The following FAT1 variants were observed in gnomAD, a reference collection of about 807,000 sequenced individuals.
The protein encoded by FAT1 is FAT atypical cadherin 1.
FAT1 carries 171 observed loss-of-function variants against 329.8 expected under a neutral mutation model. The ratio of observed to expected loss-of-function variants is 0.52; its 90% CI spans 0.46 to 0.59. The LOEUF (loss-of-function observed/expected upper bound fraction) is 0.59. Among genes scored for constraint, FAT1 ranks in the 20% least tolerant of loss-of-function variants. The probability of loss-of-function intolerance (pLI) is 0.00; values close to 1 mark genes in which losing one functional copy is unlikely to be tolerated. For missense variants in FAT1, 5,672 were observed against 5,774.4 expected (o/e 0.98, Z 0.57); for synonymous variants, 2,233 against 2,228.6 (o/e 1.00, Z -0.06).
Position 186,621,707 on chromosome 4 carries a change from G to C in FAT1, c.4879C>G (p.Arg1627Gly), listed in dbSNP as rs1340793072. The change falls in exon 10 of 27, where the codon CGA becomes GGA. Residue 1627 changes from arginine to glycine, a missense_variant. Transcript: ENST00000441802. ...AAATCATACTCCGCTTGGTTACTTC[G>C]ATCTAATTCTTTGGCAGTTTTAATA... ...GSIKTAKELD[R>G]SNQAEYDLMV... 1 of 1,613,194 alleles carries C rather than the reference G, an allele frequency of 6.2e-7. No homozygotes were observed.
intron 16 of FAT1, among the ~76,000 whole-genome samples, chr4:186,607,336 T>G (rs762455198): frequency 4.6e-5 from 7 of 151,814 alleles, no homozygotes; most frequent in Non-Finnish European, 7.4e-5. Flanking sequence ...CACAGATGAG[T>G]GAATGGATGG....
At chr4:186,700,781 G>A (rs1010531067) in intron 2 of FAT1, among the ~76,000 whole-genome samples, 2 of 152,200 alleles carry the variant, frequency 1.3e-5, no homozygotes, top group Non-Finnish European at 2.9e-5. Flanking sequence ...CCACCCGGTG[G>A]TTGTGAGAAT....
intron 3 of FAT1, among the ~76,000 whole-genome samples, chr4:186,656,872 T>C (rs982113582): frequency 6.6e-6 from 1 of 152,198 alleles, no homozygotes; most frequent in Non-Finnish European, 1.5e-5. Flanking sequence ...ACATACATAT[T>C]GATGGCACTT....
At chr4:186,643,371 TAAC>T (rs1413386163) in intron 3 of FAT1, among the ~76,000 whole-genome samples, 4 of 152,176 alleles carry the variant, frequency 2.6e-5, no homozygotes, top group Admixed American at 6.5e-5. Flanking sequence ...AACAAACAAA[TAAC>T]AACAACAAAC....
chr4:186,711,009 T>G (rs1744923272), intron 1 of FAT1, among the ~76,000 whole-genome samples: 1 of 152,232 alleles, frequency 6.6e-6, no homozygotes, highest in Non-Finnish European at 1.5e-5. Context: ...ATTCATCTTG[T>G]AAATCAACAC....
chr4:186,699,339 G>C (rs1298427742), intron 2 of FAT1, among the ~76,000 whole-genome samples: 1 of 152,176 alleles, frequency 6.6e-6, no homozygotes, highest in Non-Finnish European at 1.5e-5. Flanking sequence ...AACATGAAAT[G>C]AGTAAGACAT....
Position 186,618,906 on chromosome 4 carries a change from C to G in FAT1, c.7680G>C (p.Ala2560=), listed in dbSNP as rs755556492. The change falls in exon 10 of 27, where the codon GCG becomes GCC. Residue 2560 remains alanine, a synonymous_variant. Transcript: ENST00000441802. ...TLEKLDRETP[A]EKVISVRLMA... ...TTAAACGGACTGAGATCACTTTCTC[C>G]GCCGGGGTTTCTCGATCAAGTTTTT... is the stretch of plus-strand genomic sequence containing the variant. The G allele has an allele frequency of 1.9e-6, 3 of 1,613,944 alleles. No individual in the cohort carries two copies. Among genetic ancestry groups the G allele is most frequent in the South Asian group, 2.2e-5 (2 of 91,084 alleles).
chr4:186,611,912 C>T, intron 13 of FAT1, 137 bp from the exon 14 acceptor site: 1 of 616,928 alleles, frequency 1.6e-6, no homozygotes, highest in Non-Finnish European at 2.8e-6. Flanking sequence ...CAACCTCTGT[C>T]CCCCAGGTTC....
Position 186,603,270 on chromosome 4 carries a change from C to T in FAT1, c.11256G>A (p.Val3752=), listed in dbSNP as rs1439683360. The T allele has an allele frequency of 1.9e-6, 3 of 1,613,938 alleles. No individual in the cohort carries two copies. The highest frequency in any genetic ancestry group is 1.1e-5 in the South Asian group (1 of 91,080). The part of the protein sequence containing the change: ...DCPWKFCDEK[V]SVDESVMSTH... ...TTGACATCACACTTTCATCCACAGA[C>T]ACCTTTTCATCGCAGAACTTCCAGG... Residue 3752 remains valine, a synonymous_variant, in exon 19 of 27, where the codon GTG becomes GTA. Coordinates refer to ENST00000441802, the MANE Select transcript of FAT1 (RefSeq NM_005245.4).
intron 2 of FAT1, among the ~76,000 whole-genome samples, chr4:186,669,950 G>A (rs1426425318): frequency 6.6e-6 from 1 of 151,848 alleles, no homozygotes; most frequent in East Asian, 1.9e-4. Context: ...TCCTTGATCA[G>A]GAAAGGCCAG....
intron 26 of FAT1, among the ~76,000 whole-genome samples, chr4:186,593,498 C>T (rs951045595): frequency 9.2e-5 from 14 of 152,234 alleles, no homozygotes; most frequent in African/African-American, 2.9e-4. Flanking sequence ...TTTGTTGACG[C>T]GGTTCAGATA....
At chr4:186,721,995 C>T (rs1345053972) in intron 1 of FAT1, among the ~76,000 whole-genome samples, 2 of 152,158 alleles carry the variant, frequency 1.3e-5, no homozygotes, top group African/African-American at 2.4e-5. Context: ...TGCACCACCA[C>T]ACTCCGCTAA....
At position 186,609,192 on chromosome 4, in the gene FAT1, G is replaced by T. The variant is rs760441175; in HGVS notation, c.10197C>A (p.Asp3399Glu). 1 of 1,612,152 alleles carries T rather than the reference G, an allele frequency of 6.2e-7. No homozygotes were observed. The highest frequency in any genetic ancestry group is 1.7e-5 in the Admixed American group (1 of 59,426). ...AACCTTTTTCACTTACCGTTTCTCG[G>T]TCGAGAAGTTTGGTCACTTTGACTT... ...RGEVKVTKLL[D>E]RETISGYTLT... Residue 3399 changes from aspartate to glutamate, a missense_variant, in exon 16 of 27, where the codon GAC (aspartate) becomes GAA (glutamate). Asp to Glu is a conservative substitution (Grantham distance 45, BLOSUM62 2). Around this residue, in one of 2 missense-constraint regions of FAT1, gnomAD observed 1,706 missense variants for 1,859.1 expected, o/e 0.92. Coordinates refer to ENST00000441802, the MANE Select transcript of FAT1 (RefSeq NM_005245.4).
intron 2 of FAT1, among the ~76,000 whole-genome samples, chr4:186,684,445 C>T (rs1198322143): frequency 6.6e-6 from 1 of 152,130 alleles, no homozygotes; most frequent in Admixed American, 6.5e-5. Flanking sequence ...TCGTAGGAGA[C>T]GTAGGACCAT....
chr4:186,684,741 C>T (rs1359210420), intron 2 of FAT1, among the ~76,000 whole-genome samples: 2 of 152,028 alleles, frequency 1.3e-5, no homozygotes, highest in African/African-American at 2.4e-5. Context: ...CTTTCAGACA[C>T]GTAATACAAA....
rs771166645 is a variant in FAT1 at position 186,628,747 on chromosome 4, A to G, written c.4340T>C (p.Ile1447Thr). 2.2e-5 allele frequency: 35 copies of G among 1,612,940 alleles called. No individual in the cohort carries two copies. The highest frequency in any genetic ancestry group is 1.5e-4 in the South Asian group (14 of 91,020). The change falls in exon 8 of 27, where the codon ATA (isoleucine) becomes ACA (threonine). Residue 1447 changes from isoleucine (I) to threonine (T), a missense_variant. By Grantham distance (89) the Ile-to-Thr change is moderately conservative. Transcript: ENST00000441802. The stretch of plus-strand genomic sequence containing the variant: ...CTGAGGACGATGGTCATTTGTGTCT[A>G]TTACTTTGATGAATACCTGTAATGG... ...TILTQVFIKV[I>T]DTNDHRPQFS... is the part of the protein sequence containing the mutation.
chr4:186,645,981 A>ACC (rs1741365005), intron 3 of FAT1, among the ~76,000 whole-genome samples: 1 of 147,390 alleles, frequency 6.8e-6, no homozygotes, highest in Non-Finnish European at 1.5e-5. Flanking sequence ...ACACACACAC[A>ACC]CACACACACA....
chr4:186,599,912 G>C lies in FAT1; in HGVS notation c.12089C>G (p.Pro4030Arg), dbSNP rs572074365. 1 of 1,610,306 alleles carries C rather than the reference G, an allele frequency of 6.2e-7. No individual in the cohort carries two copies. Among genetic ancestry groups the C allele is most frequent in the South Asian group, 1.1e-5 (1 of 90,948 alleles). Residue 4030 changes from proline to arginine, a missense_variant, in exon 22 of 27, where the codon CCG becomes CGG. Physicochemically the swap from Pro to Arg is moderately radical, Grantham distance 103. Transcript: ENST00000441802. ...NPCQNGGVCN[P>R]SPAGGYYCKC... ...ACGGAGCCCACCTCCAGCAGGTGAC[G>C]GATTGCAAACGCCTCCATTCTGGCA...
chr4:186,682,104 C>T (rs1018374133), intron 2 of FAT1, among the ~76,000 whole-genome samples: 2 of 152,114 alleles, frequency 1.3e-5, no homozygotes, highest in Non-Finnish European at 2.9e-5. Context: ...CGATAAGGGA[C>T]GTTGGATGAT....
Sources: gnomAD v4.1 joint callset for allele counts (sites outside exome capture counted in the v4.1 genomes callset) on GRCh38, gnomAD v4.1.1 for gene constraint, gnomAD v4.1.1 regional missense constraint, MANE v1.5 for transcripts, NCBI Gene and HGNC (gene_info 2026-07-23, HGNC 2026-07-21) for gene names.